TNFRSF1B: variants seen among roughly 807,000 people sequenced by gnomAD.
The protein encoded by TNFRSF1B is TNF receptor superfamily member 1B.
A neutral mutation model predicts 44.6 loss-of-function variants in TNFRSF1B; 19 were observed. That is an observed-to-expected ratio of 0.43 (90% CI 0.30 to 0.62). The LOEUF is 0.62. Among genes scored for constraint, TNFRSF1B ranks in the 20% least tolerant of loss-of-function variants. The pLI, the probability that TNFRSF1B is intolerant of heterozygous loss-of-function variation, is 0.16. For synonymous variants in TNFRSF1B, 252 were observed against 261.1 expected (o/e 0.97, Z 0.34); for missense variants, 541 against 619.9 (o/e 0.87, Z 1.35).
rs1639509200 is a variant in TNFRSF1B, at chr1:12,206,678, G to A, written c.1106-62G>A. ...GTGTCTGAATCTGCATCTTGGGCAGGGGTCCCTGGGCCCCACTCCTGGACC... is the reference window on the plus strand; with the variant it reads ...GTGTCTGAATCTGCATCTTGGGCAGAGGTCCCTGGGCCCCACTCCTGGACC... On this transcript the variant is annotated intron_variant, in intron 9 of 9. Coordinates refer to ENST00000376259, the MANE Select transcript of TNFRSF1B (RefSeq NM_001066.3). The A allele has an allele frequency of 2.2e-5, 32 of 1,486,326 alleles. 1 individual carries two copies. The South Asian group carries it at 4.4e-4, about 21-fold the overall frequency. 92.1% of individuals were successfully genotyped at this position (1,486,326 alleles called of 1,614,324 possible).
chr1:12,167,194 G>A (rs993061381), intron 1 of TNFRSF1B, 25 bp downstream of exon 1: 5 of 1,251,940 alleles, frequency 4.0e-6, no homozygotes, highest in Middle Eastern at 3.0e-4. Flanking sequence ...CGGCCCACGG[G>A]GGACAGCCGC....
chr1:12,192,307 TAAG>T (rs757451601), intron 4 of TNFRSF1B, 121 bp from the exon 5 acceptor site: 4 of 730,404 alleles, frequency 5.5e-6, no homozygotes, highest in Non-Finnish European at 2.4e-6. Context: ...TGTGTGTGTG[TAAG>T]GGGTGGAGGT....
chr1:12,201,816 T>A, intron 8 of TNFRSF1B, 151 bp from the exon 9 acceptor site: 1 of 1,118,442 alleles, frequency 8.9e-7, no homozygotes, highest in Non-Finnish European at 1.2e-6. Context: ...AAGTGCCGTG[T>A]GTGGAAAGAA....
chr1:12,185,278 AGC>A (rs1638957711), intron 1 of TNFRSF1B, among the ~76,000 whole-genome samples: 1 of 151,924 alleles, frequency 6.6e-6, no homozygotes, highest in Non-Finnish European at 1.5e-5. Flanking sequence ...TCTGCAAAGG[AGC>A]GTGAGAATCA....
Position 12,193,998 on chromosome 1 carries a change from A to C in TNFRSF1B, c.831A>C (p.Gly277=). ...GVTALGLLII[G]VVNCVIMTQV... ...CAGCCTTGGGTCTACTAATAATAGG[A>C]GTGGTGAACTGTGTCATCATGACCC... The change falls in exon 7 of 10, where the codon GGA becomes GGC. Residue 277 remains glycine, a synonymous_variant. Transcript: ENST00000376259. 6.2e-7 allele frequency: 1 copy of C among 1,613,964 alleles called. No individual in the cohort carries two copies. The highest frequency in any genetic ancestry group is 8.5e-7 in the Non-Finnish European group (1 of 1,179,948).
chr1:12,205,078 T>C (rs1040930283), intron 9 of TNFRSF1B, among the ~76,000 whole-genome samples: 8 of 151,630 alleles, frequency 5.3e-5, no homozygotes, highest in African/African-American at 1.9e-4. Context: ...CCCCAGGAGC[T>C]GGGGGCTCTG....
rs1639507035 is a variant in TNFRSF1B at position 12,206,561 on chromosome 1, G to C, written c.1106-179G>C. On this transcript the variant is annotated intron_variant, in intron 9 of 9. Transcript: ENST00000376259. ...TCTTATTCGGCAGAGGGGAAAATGA[G>C]GCACATGCAGGTTAAGTGACTTGCT... is the stretch of plus-strand genomic sequence containing the variant. Among the ~76,000 whole-genome samples the C allele has an allele frequency of 2.0e-5, 3 of 152,142 alleles. No individual in the cohort carries two copies. In the South Asian group the frequency reaches 6.2e-4, roughly 32 times the overall value.
chr1:12,182,184 A>G (rs938538226), intron 1 of TNFRSF1B, among the ~76,000 whole-genome samples: 1 of 152,172 alleles, frequency 6.6e-6, no homozygotes, highest in African/African-American at 2.4e-5. Flanking sequence ...GGGAATAACA[A>G]TAGGACTGGC....
intron 1 of TNFRSF1B, among the ~76,000 whole-genome samples, chr1:12,184,318 C>T (rs1638926672): frequency 6.6e-6 from 1 of 151,920 alleles, no homozygotes; most frequent in African/African-American, 2.4e-5. Context: ...TTCTGTTCCT[C>T]ATTGTTTAGC....
chr1:12,196,172 G>A (rs1404456213), intron 8 of TNFRSF1B, among the ~76,000 whole-genome samples: 18 of 152,084 alleles, frequency 1.2e-4, no homozygotes, highest in South Asian at 4.2e-4. Flanking sequence ...GTGGTGGCAC[G>A]TGCCTGTAGT....
At position 12,170,314 on chromosome 1, in the gene TNFRSF1B, A is replaced by C. The variant is rs376726456; in HGVS notation, c.78+3145A>C. Among the ~76,000 whole-genome samples, 10 of 152,328 alleles carry C rather than the reference A, an allele frequency of 6.6e-5. No individual in the cohort carries two copies. In the East Asian group the frequency reaches 1.9e-3, roughly 29 times the overall value. ...ACACTACCAATAGGTCACAGACCTCACAGACCTGGGCTCTGTCCCAACTGC... is the reference window on the plus strand; with the variant it reads ...ACACTACCAATAGGTCACAGACCTCCCAGACCTGGGCTCTGTCCCAACTGC... On this transcript the variant is annotated intron_variant, in intron 1 of 9. Transcript: ENST00000376259.
rs200005636 is a variant in TNFRSF1B at position 12,183,698 on chromosome 1, A to AT, written c.79-5097dup. Among the ~76,000 whole-genome samples the AT allele has an allele frequency of 6.0e-3, 638 of 105,754 alleles. 5 individuals carry two copies. Among genetic ancestry groups the AT allele is most frequent in the East Asian group, 0.031 (96 of 3,050 alleles). The allele number at this position is 105,754 out of a possible 152,430, so 69.4% of individuals were successfully genotyped here. The stretch of plus-strand genomic sequence containing the variant: ...TATCTATCTATCTATCTATCTATCT[A>AT]TCTATCTATCTATTCTATCTACCTA... On this transcript the variant is annotated intron_variant, in intron 1 of 9. Coordinates refer to ENST00000376259, the MANE Select transcript of TNFRSF1B (RefSeq NM_001066.3).
At chr1:12,198,972 T>G (rs144246729) in intron 8 of TNFRSF1B, among the ~76,000 whole-genome samples, 2,570 of 152,024 alleles carry the variant, frequency 0.017, 42 homozygotes, top group East Asian at 0.042. Flanking sequence ...GGATTACAGG[T>G]GTGAGCCACT....
At chr1:12,205,392 C>T (rs1249787947) in intron 9 of TNFRSF1B, among the ~76,000 whole-genome samples, 2 of 152,084 alleles carry the variant, frequency 1.3e-5, no homozygotes, top group East Asian at 1.9e-4. Context: ...CCAGATCAGA[C>T]AGGGCCTGGT....
chr1:12,170,175 CCATT>C (rs17879153), intron 1 of TNFRSF1B, among the ~76,000 whole-genome samples: 16,814 of 151,940 alleles, frequency 0.11, 2,322 homozygotes, highest in African/African-American at 0.33. Flanking sequence ...TGAGGCAGGG[CCATT>C]CATTCATTCA....
Position 12,187,985 on chromosome 1 carries a change from G to A in TNFRSF1B, c.79-811G>A, listed in dbSNP as rs1396793714. On this transcript the variant is annotated intron_variant, in intron 1 of 9. Transcript: ENST00000376259. This position sits in a 1 kb window ranked among gnomAD's most constrained non-coding sequence, Gnocchi z 5.5. The stretch of plus-strand genomic sequence containing the variant: ...TGCTGGCAGCAGGGGTCTGAGTGGG[G>A]TGCAACAGCACCCACCAATTCGAGC... 6.6e-6 allele frequency among the ~76,000 whole-genome samples: 1 copy of A among 152,174 alleles called. No homozygotes were observed. Among genetic ancestry groups the A allele is most frequent in the Non-Finnish European group, 1.5e-5 (1 of 68,022 alleles).
At chr1:12,174,411 C>A (rs1180816136) in intron 1 of TNFRSF1B, among the ~76,000 whole-genome samples, 1 of 151,972 alleles carries the variant, frequency 6.6e-6, no homozygotes, top group Admixed American at 6.6e-5. Flanking sequence ...CCACACCCGG[C>A]TAGTTTTTGT....
chr1:12,201,863 A>C lies in TNFRSF1B; in HGVS notation c.901-104A>C, dbSNP rs1639396119. ...GGGCAGAAACGTCACGTAAACTGAG[A>C]AGTGCTGATGGCAGGAGGTGTGGAT... On this transcript the variant is annotated intron_variant, in intron 8 of 9. Coordinates refer to ENST00000376259, the MANE Select transcript of TNFRSF1B (RefSeq NM_001066.3). 25 of 1,428,236 alleles carry C rather than the reference A, an allele frequency of 1.8e-5. No homozygotes were observed. The South Asian group carries it at 3.2e-4, about 19-fold the overall frequency. The allele number at this position is 1,428,236 out of a possible 1,614,324, so 88.5% of individuals were successfully genotyped here.
At chr1:12,176,160 C>T (rs774927236) in intron 1 of TNFRSF1B, among the ~76,000 whole-genome samples, 27 of 152,140 alleles carry the variant, frequency 1.8e-4, no homozygotes, top group Middle Eastern at 3.4e-3. Flanking sequence ...CGGAGGTTGC[C>T]GTGAGCTGAG....
Sources: allele counts gnomAD v4.1 joint callset (sites outside exome capture counted in the v4.1 genomes callset), GRCh38; gene constraint gnomAD v4.1.1; non-coding constraint Gnocchi (gnomAD v3.1); transcripts MANE v1.5; gene names NCBI Gene and HGNC (gene_info 2026-07-23, HGNC 2026-07-21).